The following PBX1 variants were observed in gnomAD, a reference collection of about 807,000 sequenced individuals.
PBX1 encodes the protein PBX homeobox 1, also known as pre-B-cell leukemia transcription factor 1.
Under a neutral mutation model 53.4 loss-of-function variants are expected in PBX1, and 6 were observed. That is an observed-to-expected ratio of 0.11 (90% CI 0.06 to 0.22). The LOEUF (loss-of-function observed/expected upper bound fraction) is 0.22, where lower values mean the gene tolerates loss of function less well. PBX1 is among the 10% of genes least tolerant of loss of function. PBX1 has a pLI of 1.00. For synonymous variants in PBX1, 204 were observed against 212.3 expected (o/e 0.96, Z 0.34); for missense variants, 251 against 551.4 (o/e 0.46, Z 5.46).
At chr1:164,592,558 G>C (rs1367594286) in intron 2 of PBX1, among the ~76,000 whole-genome samples, 1 of 152,218 alleles carries the variant, frequency 6.6e-6, no homozygotes, top group African/African-American at 2.4e-5. Context: ...CAGAGTCTGA[G>C]GGTGCTGGCC....
intron 2 of PBX1, among the ~76,000 whole-genome samples, chr1:164,789,699 A>C (rs1332239343): frequency 6.6e-6 from 1 of 152,152 alleles, no homozygotes; most frequent in Non-Finnish European, 1.5e-5. Context: ...AAAATCTCTC[A>C]GTGTTGGGCC....
chr1:164,646,043 T>G (rs1351690735), intron 2 of PBX1, among the ~76,000 whole-genome samples: 2 of 152,098 alleles, frequency 1.3e-5, no homozygotes, highest in East Asian at 3.9e-4. Flanking sequence ...GGGAAAAAAT[T>G]ATAAGGGCCA....
At chr1:164,841,632 CTG>C (rs1671297336) in intron 8 of PBX1, among the ~76,000 whole-genome samples, 1 of 152,050 alleles carries the variant, frequency 6.6e-6, no homozygotes, top group East Asian at 1.9e-4. Flanking sequence ...AAAGTGCTGT[CTG>C]TGTAATCTTG....
intron 2 of PBX1, among the ~76,000 whole-genome samples, chr1:164,604,718 A>G (rs1359628193): frequency 6.6e-6 from 1 of 152,242 alleles, no homozygotes; most frequent in Non-Finnish European, 1.5e-5. Context: ...TTAAATTTTA[A>G]TAGGAAGAAT....
chr1:164,655,204 C>T (rs1660090795), intron 2 of PBX1, among the ~76,000 whole-genome samples: 1 of 151,770 alleles, frequency 6.6e-6, no homozygotes, highest in Non-Finnish European at 1.5e-5. Flanking sequence ...ACCTCCACCT[C>T]CTGGGTTCAA....
chr1:164,825,893 A>G (rs945290945), intron 8 of PBX1, among the ~76,000 whole-genome samples: 2 of 149,706 alleles, frequency 1.3e-5, no homozygotes, highest in Non-Finnish European at 3.0e-5. Flanking sequence ...TTTGTGGGAT[A>G]GCTGTGCATG....
intron 2 of PBX1, among the ~76,000 whole-genome samples, chr1:164,732,174 G>A (rs1275929925): frequency 6.6e-6 from 1 of 152,160 alleles, no homozygotes; most frequent in Admixed American, 6.5e-5. Flanking sequence ...TGGTGCTGAG[G>A]TATGGGAGAT....
chr1:164,723,129 C>A (rs114590285), intron 2 of PBX1, among the ~76,000 whole-genome samples: 1,543 of 152,204 alleles, frequency 0.01, 29 homozygotes, highest in African/African-American at 0.035. Context: ...TATCATGTAC[C>A]AGATTGTACA....
At chr1:164,718,514 T>A (rs1008980732) in intron 2 of PBX1, among the ~76,000 whole-genome samples, 6 of 152,148 alleles carry the variant, frequency 3.9e-5, no homozygotes, top group African/African-American at 9.7e-5. Context: ...TATTTAAGAT[T>A]TGGGTGACAA....
At chr1:164,870,317 CTTTCTT>C (rs1558053725) in intron 2 of PBX1, among the ~76,000 whole-genome samples, 1 of 90,948 alleles carries the variant, frequency 1.1e-5, no homozygotes, top group East Asian at 2.8e-4. Flanking sequence ...TTCTTTCTTT[CTTTCTT>C]TCTTTCTTTC....
At chr1:164,761,187 A>G (rs964100727) in intron 2 of PBX1, among the ~76,000 whole-genome samples, 13 of 152,328 alleles carry the variant, frequency 8.5e-5, no homozygotes, top group South Asian at 4.2e-4. Context: ...GTGGTCAGGG[A>G]AAAGGATTTT....
chr1:164,611,358 C>T (rs1325200407), intron 2 of PBX1, among the ~76,000 whole-genome samples: 1 of 152,178 alleles, frequency 6.6e-6, no homozygotes, highest in Non-Finnish European at 1.5e-5. Context: ...CTGCCTCAGC[C>T]TCCCGAGTAG....
intron 2 of PBX1, among the ~76,000 whole-genome samples, chr1:164,602,361 T>C (rs1656236152): frequency 6.6e-6 from 1 of 152,230 alleles, no homozygotes; most frequent in Non-Finnish European, 1.5e-5. Context: ...CGACATTCTC[T>C]TAATCCTTTT....
At chr1:164,651,530 C>T (rs539074392) in intron 2 of PBX1, among the ~76,000 whole-genome samples, 1 of 152,018 alleles carries the variant, frequency 6.6e-6, no homozygotes, top group Non-Finnish European at 1.5e-5. Flanking sequence ...TACCAAAGCT[C>T]AAGGTGTCAA....
intron 2 of PBX1, among the ~76,000 whole-genome samples, chr1:164,873,768 G>A (rs914212712): frequency 6.6e-5 from 10 of 152,026 alleles, no homozygotes; most frequent in African/African-American, 2.4e-4. Flanking sequence ...AAGTATTATT[G>A]AACACATTTT....
intron 2 of PBX1, among the ~76,000 whole-genome samples, chr1:164,790,018 G>C (rs767590435): frequency 7.2e-5 from 11 of 151,782 alleles, no homozygotes; most frequent in Non-Finnish European, 1.0e-4. Flanking sequence ...TGTGGATAAG[G>C]CTATTAAAAT....
At chr1:164,777,942 T>C (rs541215114) in intron 2 of PBX1, among the ~76,000 whole-genome samples, 1 of 152,340 alleles carries the variant, frequency 6.6e-6, no homozygotes, top group Non-Finnish European at 1.5e-5. Context: ...AAAAGAAGTA[T>C]ACATTATATA....
intron 2 of PBX1, among the ~76,000 whole-genome samples, chr1:164,780,247 C>T (rs750637004): frequency 1.3e-5 from 2 of 152,174 alleles, no homozygotes; most frequent in Non-Finnish European, 2.9e-5. Flanking sequence ...CAAAAAAGCC[C>T]GTCTGAAAAT....
intron 2 of PBX1, among the ~76,000 whole-genome samples, chr1:164,669,556 G>C (rs1440099453): frequency 6.6e-6 from 1 of 152,106 alleles, no homozygotes; most frequent in Non-Finnish European, 1.5e-5. Flanking sequence ...AGTATGGGCT[G>C]GGTTCTAGCT....
Sources: allele counts gnomAD v4.1 joint callset (sites outside exome capture counted in the v4.1 genomes callset), GRCh38; gene constraint gnomAD v4.1.1; transcripts MANE v1.5; gene names NCBI Gene and HGNC (gene_info 2026-07-23, HGNC 2026-07-21).